JPH4: variants seen among roughly 807,000 people sequenced by gnomAD.
JPH4 encodes junctophilin-4.
JPH4 carries 18 observed loss-of-function variants against 57.6 expected under a neutral mutation model. That is an observed-to-expected ratio of 0.31 (90% CI 0.22 to 0.46). JPH4 has a LOEUF of 0.46. JPH4 is among the 20% of genes least tolerant of loss of function. The probability of loss-of-function intolerance (pLI) is 1.00; values close to 1 mark genes in which losing one functional copy is unlikely to be tolerated. For missense variants in JPH4, 727 were observed against 911.1 expected, an observed-to-expected ratio of 0.80 and a Z score of 2.60; for synonymous variants, 425 against 406.6, an observed-to-expected ratio of 1.05 and a Z score of -0.54.
chr14:23,569,911 T>G lies in JPH4; in HGVS notation c.1804-194A>C, dbSNP rs1399515835. 6.6e-6 allele frequency among the ~76,000 whole-genome samples: 1 copy of G among 152,152 alleles called. No individual in the cohort carries two copies. The highest frequency in any genetic ancestry group is 2.4e-5 in the African/African-American group (1 of 41,424). On this transcript the variant is annotated intron_variant, in intron 5 of 5. Transcript: ENST00000356300. The surrounding 1 kb of genome is among the most constrained non-coding windows in gnomAD (Gnocchi z 4.8). ...AGGGCCCCACCTTTCCTCTGACACC[T>G]TCAATGCAGGGACAGCCCTTCCACC...
rs1031873802 is a variant in JPH4, at chr14:23,568,283, A to C, written c.*1351T>G. On this transcript the variant is annotated 3_prime_UTR_variant, in exon 6 of 6. Transcript: ENST00000356300. ...CATTCCTGGGCAAGGCCATTCCTTG[A>C]GGGAGGGGGTTGGCAGGCAGCTTGC... The C allele has an allele frequency of 9.1e-6, 9 of 985,734 alleles. No individual in the cohort carries two copies. In the South Asian group the frequency reaches 3.3e-4, roughly 36 times the overall value. The allele number at this position is 985,734 out of a possible 1,614,324, so 61.1% of individuals were successfully genotyped here. A position where few individuals can be genotyped will look rare whatever the true frequency, so the allele number is the denominator to read the frequency against.
intron 3 of JPH4, chr14:23,573,069 C>A: frequency 1.5e-6 from 1 of 651,258 alleles, no homozygotes. Flanking sequence ...GAATTGATCA[C>A]ACCCCATGAC....
rs1173061430 is a variant in JPH4 at position 23,570,367 on chromosome 14, CTTTTTT to C, written c.1803+555_1803+560del. Among the ~76,000 whole-genome samples the C allele has an allele frequency of 6.8e-5, 7 of 103,328 alleles. No individual in the cohort carries two copies. The East Asian group carries it at 2.0e-3, about 29-fold the overall frequency. 67.8% of individuals were successfully genotyped at this position (103,328 alleles called of 152,430 possible). On this transcript the variant is annotated intron_variant, in intron 5 of 5. Transcript: ENST00000356300. ...TTAGTTTACAACCCTGGGCAAGTTA[CTTTTTT>C]TTTTTTTTTTTTTTTTGAGACAGAG...
At chr14:23,572,014 T>C in intron 3 of JPH4, 94 bp from the exon 4 acceptor site, 1 of 1,049,734 alleles carries the variant, frequency 9.5e-7, no homozygotes. Context: ...CTGTCCCCTC[T>C]ACATCACATC....
rs752956989 is a variant in JPH4 at position 23,571,001 on chromosome 14, G to A, written c.1730C>T (p.Ser577Leu). Residue 577 changes from serine (S) to leucine (L), a missense_variant, in exon 5 of 6, where the codon TCG (serine) becomes TTG (leucine). Transcript: ENST00000356300. This position sits in a 1 kb window ranked among gnomAD's most constrained non-coding sequence, Gnocchi z 4.6. The stretch of plus-strand genomic sequence containing the variant: ...CAGGCACCCAGCATCAGGACCCCTC[G>A]AGGACGAGCCCCTCAGGACCAGCAT... ...IAMLVLRGSS[S>L]RGPDAGCLTE... The A allele has an allele frequency of 1.2e-5, 19 of 1,558,526 alleles. No homozygotes were observed. Among genetic ancestry groups the A allele is most frequent in the East Asian group, 2.3e-5 (1 of 44,408 alleles).
At chr14:23,573,589 G>T (rs1267431162) in intron 3 of JPH4, among the ~76,000 whole-genome samples, 1 of 152,158 alleles carries the variant, frequency 6.6e-6, no homozygotes, top group Admixed American at 6.5e-5. Flanking sequence ...CTGTGCTCAG[G>T]CATCAGACTC....
Position 23,575,739 on chromosome 14 carries a change from C to T in JPH4, c.1097G>A (p.Gly366Asp). ...VKEKVDRAVE[G>D]ARRAVSAARQ... ...GGCAGCACTCACGGCTCGACGGGCG[C>T]CCTCGACAGCCCTGTCCACCTTCTC... Residue 366 changes from glycine to aspartate, a missense_variant, in exon 3 of 6, where the codon GGC becomes GAC. Coordinates refer to ENST00000356300, the MANE Select transcript of JPH4 (RefSeq NM_001146028.2). The surrounding 1 kb of genome is among the most constrained non-coding windows in gnomAD (Gnocchi z 6.9). 1.9e-6 allele frequency: 3 copies of T among 1,593,404 alleles called. No homozygotes were observed. Among genetic ancestry groups the T allele is most frequent in the Non-Finnish European group, 2.6e-6 (3 of 1,172,744 alleles).
In JPH4 at chr14:23,571,375, G is replaced by C; in HGVS notation, c.1356C>G (p.Thr452=). The change falls in exon 5 of 6, where the codon ACC becomes ACG. Residue 452 remains threonine, a synonymous_variant. Coordinates refer to ENST00000356300, the MANE Select transcript of JPH4 (RefSeq NM_001146028.2). The surrounding 1 kb of genome is among the most constrained non-coding windows in gnomAD (Gnocchi z 4.6). The part of the protein sequence containing the change: ...DSPGVYENGL[T]PSEGSPELPS... ...GCAGTTCAGGGGATCCCTCTGAGGG[G>C]GTCAGTCCGTTCTCATATACCCCAG... 1 of 1,600,888 alleles carries C rather than the reference G, an allele frequency of 6.2e-7. No homozygotes were observed. Among genetic ancestry groups the C allele is most frequent in the Non-Finnish European group, 8.5e-7 (1 of 1,179,352 alleles).
rs1019982309 is a variant in JPH4 at position 23,568,064 on chromosome 14, T to A, written c.*1570A>T. 1 of 983,732 alleles carries A rather than the reference T, an allele frequency of 1.0e-6. No individual in the cohort carries two copies. Among genetic ancestry groups the A allele is most frequent in the Non-Finnish European group, 1.2e-6 (1 of 828,006 alleles). 60.9% of individuals were successfully genotyped at this position (983,732 alleles called of 1,614,324 possible). ...TTTTTGAACTTTTTTATTAATATAT[T>A]TTTTTTGTTAAATTTCTTTGTATTT... On this transcript the variant is annotated 3_prime_UTR_variant, in exon 6 of 6. Transcript: ENST00000356300.
chr14:23,568,808 G>T lies in JPH4; in HGVS notation c.*826C>A. 1.0e-6 allele frequency: 1 copy of T among 985,986 alleles called. No individual in the cohort carries two copies. The highest frequency in any genetic ancestry group is 1.2e-6 in the Non-Finnish European group (1 of 830,052). 61.1% of individuals were successfully genotyped at this position (985,986 alleles called of 1,614,324 possible). On this transcript the variant is annotated 3_prime_UTR_variant, in exon 6 of 6. Transcript: ENST00000356300. ...CCAGACCAACCAAATAAACTATTAT[G>T]GGGGAGACAGAAGGGTGGGAGAAGT...
Position 23,578,247 on chromosome 14 carries a change from T to C in JPH4, c.-239A>G, listed in dbSNP as rs1157378770. 1 of 150,606 alleles carries C rather than the reference T, an allele frequency of 6.6e-6. No homozygotes were observed. Among genetic ancestry groups the C allele is most frequent in the Non-Finnish European group, 1.5e-5 (1 of 67,928 alleles). 9.3% of individuals were successfully genotyped at this position (150,606 alleles called of 1,614,324 possible). The stretch of plus-strand genomic sequence containing the variant: ...ATGGCAGGATACCTCCACTCCCACC[T>C]CGCCCGGACAAGCCAAGCCCCCTCC... On this transcript the variant is annotated 5_prime_UTR_variant, in exon 1 of 6. Transcript: ENST00000356300.
Position 23,577,571 on chromosome 14 carries a change from C to G in JPH4, c.-118G>C. On this transcript the variant is annotated 5_prime_UTR_variant, in exon 2 of 6. Transcript: ENST00000356300. This position sits in a 1 kb window ranked among gnomAD's most constrained non-coding sequence, Gnocchi z 8.4. ...GGGGCGGGGGCAGTTAGACCGGGGC[C>G]GGGCGGGGGGGCCCCAGCGAGGGCA... 2.6e-6 allele frequency: 2 copies of G among 760,978 alleles called. No homozygotes were observed. Among genetic ancestry groups the G allele is most frequent in the African/African-American group, 1.8e-5 (1 of 54,322 alleles). 47.1% of individuals were successfully genotyped at this position (760,978 alleles called of 1,614,324 possible). A position where few individuals can be genotyped will look rare whatever the true frequency, so the allele number is the denominator to read the frequency against.
Position 23,577,670 on chromosome 14 carries a change from C to A in JPH4, c.-171-46G>T. On this transcript the variant is annotated intron_variant, in intron 1 of 5. Coordinates refer to ENST00000356300, the MANE Select transcript of JPH4 (RefSeq NM_001146028.2). This position sits in a 1 kb window ranked among gnomAD's most constrained non-coding sequence, Gnocchi z 8.4. ...GGGCAAGTGGCGAGAGAGGCCCCTC[C>A]TCTTTGCCCGCCGCTCCCTGGCCCG... The A allele has an allele frequency of 2.4e-6, 1 of 414,626 alleles. No individual in the cohort carries two copies. Among genetic ancestry groups the A allele is most frequent in the Non-Finnish European group, 4.2e-6 (1 of 235,994 alleles). The allele number at this position is 414,626 out of a possible 1,614,324, so 25.7% of individuals were successfully genotyped here.
In JPH4 at chr14:23,571,250, G is replaced by A. The variant is rs148124162; in HGVS notation, c.1481C>T (p.Ala494Val). ...GDQGPFSSPK[A>V]WPEEWGGAGA... ...TGCCCCCCCCCACTCCTCAGGCCAA[G>A]CTTTGGGGCTGGAGAAGGGACCCTG... is the stretch of plus-strand genomic sequence containing the variant. The change falls in exon 5 of 6, where the codon GCT (alanine) becomes GTT (valine). Residue 494 changes from alanine to valine, a missense_variant. Physicochemically the swap from Ala to Val is moderately conservative, Grantham distance 64 (BLOSUM62 0). This residue lies in a region of JPH4 where 293 missense variants were observed against 279.8 expected (regional missense o/e 1.05). Transcript: ENST00000356300. The surrounding 1 kb of genome is among the most constrained non-coding windows in gnomAD (Gnocchi z 4.6). The A allele has an allele frequency of 6.2e-7, 1 of 1,608,926 alleles. No individual in the cohort carries two copies. Among genetic ancestry groups the A allele is most frequent in the Non-Finnish European group, 8.5e-7 (1 of 1,177,234 alleles).
Position 23,568,609 on chromosome 14 carries a change from T to A in JPH4, c.*1025A>T. On this transcript the variant is annotated 3_prime_UTR_variant, in exon 6 of 6. Transcript: ENST00000356300. Reference sequence around the variant, plus strand: ...GGACTACTAAACTTGTCACAGCTTCTGCTTCCATGTGAGCTCCTGTTATCT... The same window carrying A: ...GGACTACTAAACTTGTCACAGCTTCAGCTTCCATGTGAGCTCCTGTTATCT... The A allele has an allele frequency of 1.0e-6, 1 of 985,928 alleles. No individual in the cohort carries two copies. The highest frequency in any genetic ancestry group is 4.7e-5 in the South Asian group (1 of 21,286). The allele number at this position is 985,928 out of a possible 1,614,324, so 61.1% of individuals were successfully genotyped here. A position where few individuals can be genotyped will look rare whatever the true frequency, so the allele number is the denominator to read the frequency against.
Position 23,577,388 on chromosome 14 carries a change from C to A in JPH4, c.66G>T (p.Gly22=). 6.7e-7 allele frequency: 1 copy of A among 1,487,606 alleles called. No individual in the cohort carries two copies. The highest frequency in any genetic ancestry group is 8.9e-7 in the Non-Finnish European group (1 of 1,121,232). 92.2% of individuals were successfully genotyped at this position (1,487,606 alleles called of 1,614,324 possible). A position where few individuals can be genotyped will look rare whatever the true frequency, so the allele number is the denominator to read the frequency against. ...GGCYVGGWEA[G]RAHGYGVCTG... ...TGCACACGCCGTAGCCATGTGCCCGCCCCGCCTCCCAGCCCCCCACGTAGC... is the reference window on the plus strand; with the variant it reads ...TGCACACGCCGTAGCCATGTGCCCGACCCGCCTCCCAGCCCCCCACGTAGC... The change falls in exon 2 of 6, where the codon GGG becomes GGT. Residue 22 remains glycine (G), a synonymous_variant. Transcript: ENST00000356300. The surrounding 1 kb of genome is among the most constrained non-coding windows in gnomAD (Gnocchi z 8.4).
chr14:23,572,705 T>C, intron 3 of JPH4: 2 of 585,716 alleles, frequency 3.4e-6, no homozygotes, highest in Non-Finnish European at 6.1e-6. Context: ...GGAACTGGAA[T>C]GAGAGTGGGT....
At chr14:23,570,367 C>CTTT (rs1173061430) in intron 5 of JPH4, among the ~76,000 whole-genome samples, 33 of 103,322 alleles carry the variant, frequency 3.2e-4, no homozygotes, top group Non-Finnish European at 4.9e-4. Context: ...GGGCAAGTTA[C>CTTT]TTTTTTTTTT....
chr14:23,568,062 A>AT lies in JPH4; in HGVS notation c.*1571dup, dbSNP rs1192347684. On this transcript the variant is annotated 3_prime_UTR_variant, in exon 6 of 6. Transcript: ENST00000356300. The stretch of plus-strand genomic sequence containing the variant: ...CTTTTTTGAACTTTTTTATTAATAT[A>AT]TTTTTTTTGTTAAATTTCTTTGTAT... The AT allele has an allele frequency of 2.5e-4, 247 of 982,824 alleles. No homozygotes were observed. In the Middle Eastern group the frequency reaches 2.6e-3, roughly 10 times the overall value. 60.9% of individuals were successfully genotyped at this position (982,824 alleles called of 1,614,324 possible).
Sources: allele counts gnomAD v4.1 joint callset (sites outside exome capture counted in the v4.1 genomes callset), GRCh38; gene constraint gnomAD v4.1.1; regional missense constraint gnomAD v4.1.1; non-coding constraint Gnocchi (gnomAD v3.1); transcripts MANE v1.5; gene names NCBI Gene and HGNC (gene_info 2026-07-23, HGNC 2026-07-21).